MYO16: variants seen among roughly 807,000 people sequenced by gnomAD.
MYO16 encodes the protein myosin XVI.
In MYO16, 94 loss-of-function variants were observed where a neutral mutation model predicts 205.3. The ratio of observed to expected loss-of-function variants is 0.46; its 90% CI spans 0.39 to 0.54. The LOEUF (loss-of-function observed/expected upper bound fraction) is 0.54. Among genes scored for constraint, MYO16 ranks in the 20% least tolerant of loss-of-function variants. The probability of loss-of-function intolerance (pLI) is 0.00; values close to 1 mark genes in which losing one functional copy is unlikely to be tolerated. For missense variants in MYO16, 2,315 were observed against 2,387.5 expected (o/e 0.97, Z 0.63); for synonymous variants, 988 against 954.0 (o/e 1.04, Z -0.66).
intron 17 of MYO16, among the ~76,000 whole-genome samples, chr13:108,961,107 T>A (rs1883562376): frequency 6.6e-6 from 1 of 152,180 alleles, no homozygotes; most frequent in African/African-American, 2.4e-5. Flanking sequence ...TGATGTAGGT[T>A]CTTGAATGAA....
chr13:108,816,245 TAAAAG>T (rs1471751138), intron 7 of MYO16, among the ~76,000 whole-genome samples: 3 of 152,110 alleles, frequency 2.0e-5, no homozygotes, highest in South Asian at 2.1e-4. Context: ...ATATTGTACT[TAAAAG>T]AAAATAAATA....
the MYO16 span, among the ~76,000 whole-genome samples, chr13:108,524,675 C>CT: frequency 6.6e-6 from 1 of 152,088 alleles, no homozygotes; most frequent in Non-Finnish European, 1.5e-5. Flanking sequence ...TCACCTTTGC[C>CT]TTACCTCACC....
intron 11 of MYO16, among the ~76,000 whole-genome samples, chr13:108,865,109 T>C (rs867564010): frequency 1.2e-4 from 18 of 152,184 alleles, no homozygotes; most frequent in African/African-American, 4.3e-4. Flanking sequence ...TAATAGAACA[T>C]ACTCTGTGTG....
At chr13:108,981,840 A>AT (rs879464306) in intron 20 of MYO16, among the ~76,000 whole-genome samples, 12 of 152,312 alleles carry the variant, frequency 7.9e-5, no homozygotes, top group South Asian at 4.1e-4. Context: ...GGAACCACAC[A>AT]TTTTTTGTAT....
At chr13:109,006,981 G>C (rs944501434) in intron 21 of MYO16, among the ~76,000 whole-genome samples, 1 of 152,128 alleles carries the variant, frequency 6.6e-6, no homozygotes, top group African/African-American at 2.4e-5. Flanking sequence ...GTGTCCCGGA[G>C]GAGAGGGGAG....
intron 1 of MYO16, among the ~76,000 whole-genome samples, chr13:108,656,803 G>A (rs375588662): frequency 2.0e-5 from 3 of 152,192 alleles, no homozygotes; most frequent in Non-Finnish European, 2.9e-5. Context: ...ACCAGAATCC[G>A]CTTCATTCTC....
the MYO16 span, among the ~76,000 whole-genome samples, chr13:108,590,025 G>A: frequency 1.3e-5 from 2 of 151,878 alleles, no homozygotes; most frequent in Non-Finnish European, 2.9e-5. Flanking sequence ...GATATATATA[G>A]GAATAAATAT....
intron 27 of MYO16, among the ~76,000 whole-genome samples, chr13:109,083,532 T>C (rs1445486545): frequency 6.6e-6 from 1 of 151,496 alleles, no homozygotes. Flanking sequence ...ATGATATAGA[T>C]TGAGGCATGA....
chr13:109,016,729 C>T (rs1482918596), intron 22 of MYO16, among the ~76,000 whole-genome samples: 1 of 151,692 alleles, frequency 6.6e-6, no homozygotes, highest in Non-Finnish European at 1.5e-5. Flanking sequence ...TTCTTTGTCT[C>T]TTTTCATCTT....
At chr13:108,889,051 CA>C (rs879777464) in intron 14 of MYO16, among the ~76,000 whole-genome samples, 72 of 126,870 alleles carry the variant, frequency 5.7e-4, no homozygotes, top group Middle Eastern at 5.0e-3. Context: ...AACTCTGTCT[CA>C]AAAAAAAAAA....
chr13:108,620,754 C>T (rs1212000807), intron 1 of MYO16, among the ~76,000 whole-genome samples: 3 of 152,226 alleles, frequency 2.0e-5, no homozygotes, highest in African/African-American at 4.8e-5. Flanking sequence ...AGTTCCTCGC[C>T]CTTGGGGGCC....
the MYO16 span, among the ~76,000 whole-genome samples, chr13:108,555,830 T>A: frequency 0.075 from 11,462 of 152,224 alleles, 509 homozygotes; most frequent in Admixed American, 0.12. Context: ...ATTCCACATA[T>A]AAGTGAGATC....
intron 4 of MYO16, among the ~76,000 whole-genome samples, chr13:108,773,877 T>G (rs564023506): frequency 4.6e-5 from 7 of 152,230 alleles, no homozygotes; most frequent in African/African-American, 1.4e-4. Context: ...TAATTCACAC[T>G]TAAAATGTGA....
intron 4 of MYO16, among the ~76,000 whole-genome samples, chr13:108,770,064 AT>A (rs1885912516): frequency 6.6e-6 from 1 of 152,194 alleles, no homozygotes; most frequent in South Asian, 2.1e-4. Context: ...TGGCGTAGTA[AT>A]TTAGGTACTG....
rs201871028 is a variant in MYO16 at position 108,949,989 on chromosome 13, C to CA, written c.1926-7687dup. Among the ~76,000 whole-genome samples, 524 of 134,176 alleles carry CA rather than the reference C, an allele frequency of 3.9e-3. 3 individuals carry two copies. Among genetic ancestry groups the CA allele is most frequent in the Admixed American group, 0.019 (263 of 13,710 alleles). The allele number at this position is 134,176 out of a possible 152,430, so 88.0% of individuals were successfully genotyped here. A position where few individuals can be genotyped will look rare whatever the true frequency, so the allele number is the denominator to read the frequency against. On this transcript the variant is annotated intron_variant, in intron 16 of 34. Coordinates refer to ENST00000457511, the MANE Select transcript of MYO16 (RefSeq NM_001198950.3). ...ACTGGGCATCCATAGGCAAAACAAG[C>CA]AAAAAAAAAAAATAGTAAAGCAAAG...
intron 27 of MYO16, among the ~76,000 whole-genome samples, chr13:109,071,808 A>G (rs1887934527): frequency 6.6e-6 from 1 of 152,196 alleles, no homozygotes; most frequent in Non-Finnish European, 1.5e-5. Context: ...CACAGGAACT[A>G]GTAAAATATC....
In MYO16 at chr13:109,055,850, TTTCCTTGGA is replaced by T; in HGVS notation, c.3335+258_3335+266del. 1 of 335,420 alleles carries T rather than the reference TTTCCTTGGA, an allele frequency of 3.0e-6. No homozygotes were observed. Among genetic ancestry groups the T allele is most frequent in the Non-Finnish European group, 5.4e-6 (1 of 183,932 alleles). 20.8% of individuals were successfully genotyped at this position (335,420 alleles called of 1,614,324 possible). A position where few individuals can be genotyped will look rare whatever the true frequency, so the allele number is the denominator to read the frequency against. On this transcript the variant is annotated intron_variant, in intron 27 of 34. Transcript: ENST00000457511. This position sits in a 1 kb window ranked among gnomAD's most constrained non-coding sequence, Gnocchi z 5.0. ...TCTCATGTTCCTTTCAAAGTGTGGC[TTTCCTTGGA>T]TTAAAGTTTTGTAAAATGATTGCAT... is the stretch of plus-strand genomic sequence containing the variant.
chr13:109,061,108 T>C (rs1887578103), intron 27 of MYO16, among the ~76,000 whole-genome samples: 1 of 112,772 alleles, frequency 8.9e-6, no homozygotes, highest in Non-Finnish European at 2.0e-5. Context: ...TGCAGTTTCC[T>C]CACCTCTCTC....
At chr13:109,202,977 G>A (rs1236181988) in intron 34 of MYO16, among the ~76,000 whole-genome samples, 3 of 152,280 alleles carry the variant, frequency 2.0e-5, no homozygotes, top group East Asian at 3.9e-4. Context: ...ATGGTGCTTG[G>A]ATAACTGGCA....
Sources: gnomAD v4.1 joint callset for allele counts (sites outside exome capture counted in the v4.1 genomes callset) on GRCh38, gnomAD v4.1.1 for gene constraint, Gnocchi (gnomAD v3.1) non-coding constraint, MANE v1.5 for transcripts, NCBI Gene and HGNC (gene_info 2026-07-23, HGNC 2026-07-21) for gene names.